Variants in NR4A1 observed in about 807,000 individuals in gnomAD.
The protein encoded by NR4A1 is nuclear receptor subfamily 4 group A member 1.
In NR4A1, 24 loss-of-function variants were observed where a neutral mutation model predicts 47.5. That is an observed-to-expected ratio of 0.50 (90% CI 0.37 to 0.71). The LOEUF is 0.71. Among genes scored for constraint, NR4A1 ranks in the 30% least tolerant of loss-of-function variants. The pLI is 0.00. For missense variants in NR4A1, 669 were observed against 788.6 expected (o/e 0.85, Z 1.82); for synonymous variants, 353 against 345.7 (o/e 1.02, Z -0.24).
chr12:52,030,983 T>C (rs1938113258), intron 1 of NR4A1, among the ~76,000 whole-genome samples: 3 of 152,024 alleles, frequency 2.0e-5, no homozygotes, highest in Admixed American at 2.0e-4. Context: ...CTGCAACTTA[T>C]CCCTTTCCCC....
chr12:52,035,295 G>C (rs1197354646), intron 1 of NR4A1, among the ~76,000 whole-genome samples: 1 of 152,194 alleles, frequency 6.6e-6, no homozygotes, highest in Non-Finnish European at 1.5e-5. Flanking sequence ...ATAAATAGGA[G>C]AATATATAAT....
chr12:52,051,259 C>CT (rs1938917103), upstream of NR4A1: 1 of 222,938 alleles, frequency 4.5e-6, no homozygotes, highest in Admixed American at 6.5e-5. Context: ...CAGGCCCCCC[C>CT]TCCTCGCCCC....
intron 2 of NR4A1, chr12:52,055,593 A>AG (rs765118943): frequency 5.7e-4 from 268 of 470,266 alleles, no homozygotes; most frequent in Non-Finnish European, 7.2e-4. Flanking sequence ...ATCCCTGCGG[A>AG]GGGTTTGGTT....
intron 1 of NR4A1, among the ~76,000 whole-genome samples, chr12:52,023,461 ACCGCCTCCCGAGGCAGCTAGTCCCG>A (rs1937930165): frequency 6.6e-6 from 1 of 151,864 alleles, no homozygotes; most frequent in African/African-American, 2.4e-5. Flanking sequence ...GGAGTGAGTA[ACCGCCTCCCGAGGCAGCTAGTCCCG>A]CCGCCTCAGG....
intron 1 of NR4A1, among the ~76,000 whole-genome samples, chr12:52,052,298 TGTGTGTGA>T (rs1038943362): frequency 9.4e-5 from 13 of 138,424 alleles, no homozygotes; most frequent in African/African-American, 2.3e-4. Context: ...TGTGTGTGTG[TGTGTGTGA>T]GAGAGAGAGA....
At position 52,024,982 on chromosome 12, in the gene NR4A1, G is replaced by A. The variant is rs571562712; in HGVS notation, c.-84+2043G>A. Among the ~76,000 whole-genome samples the A allele has an allele frequency of 2.0e-4, 31 of 151,980 alleles. No individual in the cohort carries two copies. In the South Asian group the frequency reaches 2.3e-3, roughly 11 times the overall value. On this transcript the variant is annotated intron_variant, in intron 1 of 7. Transcript: ENST00000360284. ...GGCTCTCCTTTTGCTTCCTGAGACT[G>A]CACGAGCTCTGCCTTCTTCATGCAC... is the stretch of plus-strand genomic sequence containing the variant.
At chr12:52,055,674 C>G (rs552634744) in intron 2 of NR4A1, 4 of 361,674 alleles carry the variant, frequency 1.1e-5, no homozygotes, top group African/African-American at 2.1e-5. Flanking sequence ...CTTAGCTTCC[C>G]GTCCCCACCC....
chr12:52,058,991 C>A lies in NR4A1; in HGVS notation c.*47C>A. ...GCACATGCGCACTCTCATATGCCACCCCATGTGCCTTTAGTCCACGGACCC... is the reference window on the plus strand; with the variant it reads ...GCACATGCGCACTCTCATATGCCACACCATGTGCCTTTAGTCCACGGACCC... On this transcript the variant is annotated 3_prime_UTR_variant, in exon 7 of 7. Transcript: ENST00000394825. The A allele has an allele frequency of 6.4e-7, 1 of 1,568,076 alleles. No individual in the cohort carries two copies.
chr12:52,028,063 G>T (rs371606549), intron 1 of NR4A1, among the ~76,000 whole-genome samples: 3 of 151,846 alleles, frequency 2.0e-5, no homozygotes, highest in African/African-American at 7.3e-5. Flanking sequence ...TTAGCCGGGC[G>T]TGGTGGCATG....
At chr12:52,030,266 C>T (rs927450467) in intron 1 of NR4A1, among the ~76,000 whole-genome samples, 5 of 152,130 alleles carry the variant, frequency 3.3e-5, no homozygotes, top group Admixed American at 6.6e-5. Context: ...AAATGAAGGG[C>T]AAATCCCTTC....
chr12:52,051,851 C>T (rs530166402), intron 1 of NR4A1, among the ~76,000 whole-genome samples: 13 of 152,166 alleles, frequency 8.5e-5, no homozygotes. Flanking sequence ...TTAGTTCAGT[C>T]TCCTAGGGTG....
chr12:52,056,176 C>G lies in NR4A1; in HGVS notation c.1006+17C>G. On this transcript the variant is annotated intron_variant, in intron 3 of 6. Transcript: ENST00000394825. ...TGAAGGAAGGTGTGTGGCTGGGGTG[C>G]GGCCCAGCGGGGCAAGGGTAGGCTT... is the stretch of plus-strand genomic sequence containing the variant. The G allele has an allele frequency of 6.3e-7, 1 of 1,582,662 alleles. No homozygotes were observed. The highest frequency in any genetic ancestry group is 8.6e-7 in the Non-Finnish European group (1 of 1,164,550).
intron 1 of NR4A1, among the ~76,000 whole-genome samples, chr12:52,026,350 C>T (rs761907566): frequency 6.6e-6 from 1 of 152,154 alleles, no homozygotes; most frequent in Non-Finnish European, 1.5e-5. Flanking sequence ...TGAAGGAGAA[C>T]GAAGAAGTTA....
chr12:52,051,244 C>T (rs1005256869), upstream of NR4A1, among the ~76,000 whole-genome samples: 1 of 151,850 alleles, frequency 6.6e-6, no homozygotes, highest in East Asian at 1.9e-4. Flanking sequence ...CGCGCGCAGA[C>T]ATTCCAGGCC....
chr12:52,041,840 C>A, exon 2 of NR4A1: 10 of 1,502,710 alleles, frequency 6.7e-6, no homozygotes, highest in Non-Finnish European at 8.8e-6. Context: ...CCAGGCCCTG[C>A]CCCTCCCAGG....
At chr12:52,057,919 G>C (rs1565655407) in intron 6 of NR4A1, among the ~76,000 whole-genome samples, 1 of 151,952 alleles carries the variant, frequency 6.6e-6, no homozygotes, top group East Asian at 1.9e-4. Context: ...GCACATAACT[G>C]CCCCCCAGAA....
chr12:52,058,194 C>G (rs1939373383), intron 6 of NR4A1, among the ~76,000 whole-genome samples: 1 of 152,140 alleles, frequency 6.6e-6, no homozygotes, highest in South Asian at 2.1e-4. Context: ...AAATGTAGTT[C>G]TGCAGGATGG....
In NR4A1 at chr12:52,054,984, GGGA is replaced by G; in HGVS notation, c.659_661del (p.Glu220del). ...CCCTCACAGGCCACCCACCAGCTGGGGGAGGGAGAGAGCTATTCCATGCCTACG... is the reference window on the plus strand; with the variant it reads ...CCCTCACAGGCCACCCACCAGCTGGGGGGAGAGAGCTATTCCATGCCTACG... On this transcript the variant is annotated inframe_deletion, in exon 2 of 7. Transcript: ENST00000394825. 1 of 1,614,240 alleles carries G rather than the reference GGGA, an allele frequency of 6.2e-7. No homozygotes were observed. Among genetic ancestry groups the G allele is most frequent in the Non-Finnish European group, 8.5e-7 (1 of 1,180,038 alleles).
At chr12:52,058,595 G>C in intron 6 of NR4A1, 93 bp from the exon 7 acceptor site, 2 of 1,426,696 alleles carry the variant, frequency 1.4e-6, no homozygotes, top group Non-Finnish European at 1.9e-6. Flanking sequence ...CATGAGGGGT[G>C]GTCAGGGGCA....
Sources: allele counts gnomAD v4.1 joint callset (sites outside exome capture counted in the v4.1 genomes callset), GRCh38; gene constraint gnomAD v4.1.1; transcripts MANE v1.5; gene names NCBI Gene and HGNC (gene_info 2026-07-23, HGNC 2026-07-21).